Variants in GPR89B observed in about 807,000 individuals in gnomAD.
GPR89B encodes the protein golgi pH regulator B.
In GPR89B, 25 loss-of-function variants were observed where a neutral mutation model predicts 52.4. That is an observed-to-expected ratio of 0.48 (90% CI 0.35 to 0.67). GPR89B has a LOEUF of 0.67. Ranked by LOEUF, GPR89B falls within the 30% of genes least tolerant of loss-of-function variation. The pLI is 0.01. For synonymous variants in GPR89B, 52 were observed against 151.2 expected (o/e 0.34, Z 4.81); for missense variants, 146 against 450.2 (o/e 0.32, Z 6.11).
At chr1:147,981,056 T>C (rs1393458180) in intron 10 of GPR89B, among the ~76,000 whole-genome samples, 1 of 151,826 alleles carries the variant, frequency 6.6e-6, no homozygotes, top group Non-Finnish European at 1.5e-5. Context: ...AATGTAATTT[T>C]AAAAAGTATA....
At chr1:148,025,219 G>C in the GPR89B span, among the ~76,000 whole-genome samples, 3 of 151,614 alleles carry the variant, frequency 2.0e-5, no homozygotes, top group Non-Finnish European at 4.4e-5. Context: ...TTTCATACCT[G>C]TTTGACCCGC....
intron 12 of GPR89B, among the ~76,000 whole-genome samples, chr1:147,989,409 A>C (rs2149095370): frequency 6.6e-6 from 1 of 151,766 alleles, no homozygotes; most frequent in Middle Eastern, 3.4e-3. Context: ...GTAAGGACCT[A>C]CTGAATTCAA....
intron 3 of GPR89B, among the ~76,000 whole-genome samples, chr1:147,939,805 C>G (rs1197833845): frequency 6.6e-6 from 1 of 151,278 alleles, no homozygotes; most frequent in Non-Finnish European, 1.5e-5. Flanking sequence ...CAAGACGAGC[C>G]TGGGCAACAA....
the GPR89B span, among the ~76,000 whole-genome samples, chr1:148,021,622 C>T: frequency 1.3e-5 from 2 of 151,560 alleles, no homozygotes; most frequent in Non-Finnish European, 1.5e-5. Flanking sequence ...AGAGGGGCCT[C>T]GGACCTTCCT....
chr1:147,996,083 T>A (rs1659310078), downstream of GPR89B, among the ~76,000 whole-genome samples: 1 of 152,114 alleles, frequency 6.6e-6, no homozygotes, highest in African/African-American at 2.4e-5. Flanking sequence ...TTCACATGAT[T>A]AGTGGTATTA....
At chr1:147,951,252 G>A (rs1211806720) in intron 5 of GPR89B, among the ~76,000 whole-genome samples, 2 of 151,638 alleles carry the variant, frequency 1.3e-5, no homozygotes, top group African/African-American at 4.9e-5. Context: ...TACCTCATAG[G>A]ATTGTTATGA....
At chr1:147,952,852 A>C (rs1655826106) in intron 5 of GPR89B, among the ~76,000 whole-genome samples, 1 of 150,944 alleles carries the variant, frequency 6.6e-6, no homozygotes, top group South Asian at 2.1e-4. Context: ...TCCTTTTATT[A>C]GATGAATTCT....
At chr1:147,968,180 T>G in intron 8 of GPR89B, 1 of 435,638 alleles carries the variant, frequency 2.3e-6, no homozygotes, top group Non-Finnish European at 4.6e-6. Flanking sequence ...GCCCCTGTTC[T>G]CTAAATGGGA....
Position 147,938,063 on chromosome 1 carries a change from C to T in GPR89B, c.103-651C>T, listed in dbSNP as rs1182260254. Among the ~76,000 whole-genome samples the T allele has an allele frequency of 8.6e-5, 13 of 152,036 alleles. No homozygotes were observed. In the Middle Eastern group the frequency reaches 0.014, roughly 159 times the overall value. ...TGAAACAATTTATGTTCTTCTGCTG[C>T]GGCTTCAGCCAGTCCCTCCATTCGG... On this transcript the variant is annotated intron_variant, in intron 2 of 13. Coordinates refer to ENST00000314163, the MANE Select transcript of GPR89B (RefSeq NM_016334.5).
At chr1:147,986,124 C>G in intron 10 of GPR89B, 75 bp from the exon 11 acceptor site, 1 of 1,609,888 alleles carries the variant, frequency 6.2e-7, no homozygotes, top group Non-Finnish European at 8.5e-7. Flanking sequence ...GTGATTAATT[C>G]ATTAGTTTCA....
chr1:148,014,653 C>G, the GPR89B span: 1 of 151,994 alleles, frequency 6.6e-6, no homozygotes, highest in Non-Finnish European at 1.5e-5. Context: ...CTCTGCTCTC[C>G]CCTCGCCATT....
chr1:147,994,702 C>T (rs1464324131), downstream of GPR89B, among the ~76,000 whole-genome samples: 10 of 151,970 alleles, frequency 6.6e-5, no homozygotes, highest in Non-Finnish European at 4.4e-5. Context: ...ATATTGACTT[C>T]CTAAAGAGAA....
chr1:147,998,559 G>A (rs1375079989), downstream of GPR89B, among the ~76,000 whole-genome samples: 1 of 151,998 alleles, frequency 6.6e-6, no homozygotes, highest in Non-Finnish European at 1.5e-5. Flanking sequence ...AGCTCATCTC[G>A]AGGCAAAGTG....
intron 5 of GPR89B, among the ~76,000 whole-genome samples, chr1:147,949,616 CG>C (rs1299317841): frequency 7.3e-6 from 1 of 137,518 alleles, no homozygotes; most frequent in Admixed American, 6.9e-5. Flanking sequence ...GCTGACGGGG[CG>C]GGGGGCTGAC....
intron 7 of GPR89B, among the ~76,000 whole-genome samples, chr1:147,963,665 A>T (rs1457106043): frequency 6.6e-6 from 1 of 152,106 alleles, no homozygotes. Context: ...CTATCAGAAT[A>T]GCTAAAATAA....
intron 12 of GPR89B, among the ~76,000 whole-genome samples, chr1:147,990,304 T>C (rs1438021039): frequency 6.6e-6 from 1 of 152,248 alleles, no homozygotes; most frequent in Non-Finnish European, 1.5e-5. Context: ...GGGTTGTTTT[T>C]TTCTTGTAAA....
the GPR89B span, among the ~76,000 whole-genome samples, chr1:148,016,527 C>G: frequency 7.3e-6 from 1 of 137,168 alleles, no homozygotes; most frequent in African/African-American, 2.8e-5. Context: ...CAGTGGTTTT[C>G]TTCATGTTTC....
chr1:147,971,352 T>C (rs1246765298), intron 10 of GPR89B, among the ~76,000 whole-genome samples: 4 of 151,636 alleles, frequency 2.6e-5, no homozygotes, highest in Non-Finnish European at 4.4e-5. Flanking sequence ...GCTTTCACCA[T>C]GTTGCCCAAG....
chr1:148,011,008 T>A, the GPR89B span: 3 of 152,316 alleles, frequency 2.0e-5, no homozygotes, highest in South Asian at 6.2e-4. Context: ...TGCTTCAAAG[T>A]CCTTCCAGAG....
Sources: allele counts gnomAD v4.1 joint callset (sites outside exome capture counted in the v4.1 genomes callset), GRCh38; gene constraint gnomAD v4.1.1; transcripts MANE v1.5; gene names NCBI Gene and HGNC (gene_info 2026-07-23, HGNC 2026-07-21).